Variants in PAQR3 observed in about 807,000 individuals in gnomAD.
PAQR3 encodes the protein progestin and adipoQ receptor family member 3.
In PAQR3, 39 loss-of-function variants were observed where a neutral mutation model predicts 41.7. That is an observed-to-expected ratio of 0.93 (90% CI 0.72 to 1.22). The LOEUF (loss-of-function observed/expected upper bound fraction) is 1.22. Ranked by LOEUF, PAQR3 falls within the 50% of genes most tolerant of loss-of-function variation. The probability of loss-of-function intolerance (pLI) is 0.00; values close to 1 mark genes in which losing one functional copy is unlikely to be tolerated. For missense variants in PAQR3, 366 were observed against 385.6 expected, an observed-to-expected ratio of 0.95 and a Z score of 0.42; for synonymous variants, 140 against 140.6, an observed-to-expected ratio of 1.00 and a Z score of 0.03.
At chr4:78,889,983 G>A (rs1733343004) in intron 11 of PAQR3, among the ~76,000 whole-genome samples, 1 of 152,078 alleles carries the variant, frequency 6.6e-6, no homozygotes, top group African/African-American at 2.4e-5. Flanking sequence ...GTTTTATTAG[G>A]AATTGTGCTC....
rs1039481756 is a variant in PAQR3, at chr4:78,930,378, T to C, written c.349-53A>G. ...AGTGACTAAAGAAACTAAAGCAACT[T>C]ATGCATGATATTCAGGGAAGTAGTT... On this transcript the variant is annotated intron_variant, in intron 2 of 5. Transcript: ENST00000512733. 1.4e-5 allele frequency: 21 copies of C among 1,532,214 alleles called. No individual in the cohort carries two copies. The African/African-American group carries it at 2.9e-4, about 21-fold the overall frequency. 94.9% of individuals were successfully genotyped at this position (1,532,214 alleles called of 1,614,324 possible).
chr4:78,900,357 G>C (rs1290938176), intron 11 of PAQR3, among the ~76,000 whole-genome samples: 5 of 152,302 alleles, frequency 3.3e-5, no homozygotes, highest in Non-Finnish European at 7.4e-5. Flanking sequence ...ATTTTTGACT[G>C]TGTCGGAGGT....
downstream of PAQR3, among the ~76,000 whole-genome samples, chr4:78,908,560 C>G (rs78616244): frequency 0.028 from 4,339 of 152,246 alleles, 231 homozygotes; most frequent in African/African-American, 0.099. Flanking sequence ...GTGGCTCTCT[C>G]TGCATACCAA....
intron 3 of PAQR3, among the ~76,000 whole-genome samples, chr4:78,927,884 G>A (rs1246157266): frequency 6.6e-6 from 1 of 152,190 alleles, no homozygotes. Flanking sequence ...GTGCGCAAAA[G>A]TGCATTCTAC....
intron 2 of PAQR3, among the ~76,000 whole-genome samples, chr4:78,933,584 AG>A (rs1458932081): frequency 6.6e-6 from 1 of 152,234 alleles, no homozygotes; most frequent in Non-Finnish European, 1.5e-5. Flanking sequence ...CTTTTCAAGT[AG>A]GGAAGATGTG....
At chr4:78,893,667 A>T (rs946754316) in intron 11 of PAQR3, among the ~76,000 whole-genome samples, 1 of 152,170 alleles carries the variant, frequency 6.6e-6, no homozygotes, top group Non-Finnish European at 1.5e-5. Context: ...GGCTCCAGTG[A>T]TCCTCCCGCC....
At position 78,914,915 on chromosome 4, in the gene PAQR3, G is replaced by A. The variant is rs1327216627; in HGVS notation, c.*5624C>T. On this transcript the variant is annotated 3_prime_UTR_variant, in exon 6 of 6. Transcript: ENST00000512733. The stretch of plus-strand genomic sequence containing the variant: ...AGCTTTAATAATGCTTGTTGATTTT[G>A]AATAATCCTTTAAAAAGTGGACCAT... The A allele has an allele frequency of 1.3e-5, 2 of 151,758 alleles. No homozygotes were observed. The highest frequency in any genetic ancestry group is 2.9e-5 in the Non-Finnish European group (2 of 67,850). The allele number at this position is 151,758 out of a possible 1,614,324, so 9.4% of individuals were successfully genotyped here.
chr4:78,920,481 T>C lies in PAQR3; in HGVS notation c.*58A>G. ...TGGGAATCTTAGAAATAGTGGGGTA[T>C]ACAATTCCCCATTATATATTGCTTA... On this transcript the variant is annotated 3_prime_UTR_variant, in exon 6 of 6. Transcript: ENST00000512733. 6.5e-7 allele frequency: 1 copy of C among 1,531,112 alleles called. No homozygotes were observed. Among genetic ancestry groups the C allele is most frequent in the Non-Finnish European group, 8.8e-7 (1 of 1,136,988 alleles). 94.8% of individuals were successfully genotyped at this position (1,531,112 alleles called of 1,614,324 possible).
At chr4:78,895,171 TA>T (rs1313708134) in intron 11 of PAQR3, among the ~76,000 whole-genome samples, 1 of 152,198 alleles carries the variant, frequency 6.6e-6, no homozygotes, top group Non-Finnish European at 1.5e-5. Context: ...CACATGCTTT[TA>T]AAAAAATGGC....
chr4:78,927,877 C>T (rs762630923), intron 3 of PAQR3, among the ~76,000 whole-genome samples: 9 of 152,272 alleles, frequency 5.9e-5, no homozygotes, highest in South Asian at 4.1e-4. Flanking sequence ...TTAGGGTGTG[C>T]GCAAAAGTGC....
intron 5 of PAQR3, 41 bp from the exon 6 acceptor site, chr4:78,920,722 T>G: frequency 6.4e-7 from 1 of 1,572,366 alleles, no homozygotes; most frequent in Non-Finnish European, 8.6e-7. Flanking sequence ...GATTTCAATA[T>G]GTTGACATTA....
chr4:78,894,908 C>G (rs1048159619), intron 11 of PAQR3, among the ~76,000 whole-genome samples: 1 of 152,090 alleles, frequency 6.6e-6, no homozygotes, highest in Non-Finnish European at 1.5e-5. Context: ...ATTGTTGTGT[C>G]TCAGGGAATA....
At chr4:78,890,479 A>G (rs374636984) in intron 11 of PAQR3, among the ~76,000 whole-genome samples, 1 of 151,932 alleles carries the variant, frequency 6.6e-6, no homozygotes, top group Admixed American at 6.6e-5. Context: ...TGGTTGATTC[A>G]GTGTTCAGTG....
At chr4:78,935,317 C>T (rs1737315247) in intron 1 of PAQR3, 34 bp from the exon 2 acceptor site, 1 of 1,588,744 alleles carries the variant, frequency 6.3e-7, no homozygotes, top group Non-Finnish European at 8.6e-7. Context: ...CTGAGATTCA[C>T]ATTGGCCAAC....
intron 11 of PAQR3, among the ~76,000 whole-genome samples, chr4:78,890,413 C>A (rs1733371227): frequency 6.6e-6 from 1 of 151,976 alleles, no homozygotes; most frequent in African/African-American, 2.4e-5. Flanking sequence ...CGCACACACA[C>A]ACACACACAC....
chr4:78,919,411 T>C lies in PAQR3; in HGVS notation c.*1128A>G, dbSNP rs1735430439. ...ATGTATGATAGGGCAGTGAGTTCTA[T>C]TTTTTAAGTATATACAATAAAAAGA... On this transcript the variant is annotated 3_prime_UTR_variant, in exon 6 of 6. Transcript: ENST00000512733. The C allele has an allele frequency of 2.0e-6, 2 of 984,410 alleles. No individual in the cohort carries two copies. The highest frequency in any genetic ancestry group is 4.7e-5 in the South Asian group (1 of 21,276). The allele number at this position is 984,410 out of a possible 1,614,324, so 61.0% of individuals were successfully genotyped here.
At chr4:78,907,105 CTAAA>C (rs1194540537), downstream of PAQR3, among the ~76,000 whole-genome samples, 2 of 151,992 alleles carry the variant, frequency 1.3e-5, no homozygotes, top group Non-Finnish European at 2.9e-5. Context: ...TATTCTATTG[CTAAA>C]TAGTGAACAG....
At chr4:78,937,927 T>C (rs1239555773) in intron 1 of PAQR3, among the ~76,000 whole-genome samples, 1 of 152,228 alleles carries the variant, frequency 6.6e-6, no homozygotes, top group Non-Finnish European at 1.5e-5. Flanking sequence ...CTGTGTAATT[T>C]ACTCATGCAC....
downstream of PAQR3, chr4:78,911,425 G>A (rs1411442936): frequency 2.5e-6 from 4 of 1,613,934 alleles, no homozygotes; most frequent in Non-Finnish European, 3.4e-6. Flanking sequence ...TGTGCCCTTT[G>A]ATGAAATAAC....
Sources: allele counts gnomAD v4.1 joint callset (sites outside exome capture counted in the v4.1 genomes callset), GRCh38; gene constraint gnomAD v4.1.1; transcripts MANE v1.5; gene names NCBI Gene and HGNC (gene_info 2026-07-23, HGNC 2026-07-21).